Variants in PPP1R9A observed in about 807,000 individuals in gnomAD.
The protein encoded by PPP1R9A is protein phosphatase 1 regulatory subunit 9A.
In PPP1R9A, 59 loss-of-function variants were observed where a neutral mutation model predicts 141.9. That is an observed-to-expected ratio of 0.42 (90% confidence interval 0.34 to 0.52). The LOEUF (loss-of-function observed/expected upper bound fraction) is 0.52. PPP1R9A is among the 20% of genes least tolerant of loss of function. The pLI is 0.10. For missense variants in PPP1R9A, 1,444 were observed against 1,611.9 expected, an observed-to-expected ratio of 0.90 and a Z score of 1.78; for synonymous variants, 500 against 569.7, an observed-to-expected ratio of 0.88 and a Z score of 1.74.
chr7:95,064,986 T>C (rs1006346753), intron 2 of PPP1R9A, among the ~76,000 whole-genome samples: 1 of 152,220 alleles, frequency 6.6e-6, no homozygotes, highest in Non-Finnish European at 1.5e-5. Context: ...TTCTGACAGA[T>C]TAAGTAAGTG....
chr7:95,195,329 G>A (rs565894752), intron 5 of PPP1R9A, among the ~76,000 whole-genome samples: 1 of 149,992 alleles, frequency 6.7e-6, no homozygotes, highest in Non-Finnish European at 1.5e-5. Flanking sequence ...CACCCAGTCT[G>A]GAGGGCATTG....
chr7:95,269,431 T>C lies in PPP1R9A; in HGVS notation c.3048T>C (p.Thr1016=). ...GGGGAGACACTTCACTGTTTTCTAC[T>C]TCAAAGTCTGATCATGATGTGGAAG... ...SMWGDTSLFS[T]SKSDHDVEES... Residue 1016 remains threonine (T), a synonymous_variant, in exon 14 of 20, where the codon ACT becomes ACC. Coordinates refer to ENST00000433360, the MANE Select transcript of PPP1R9A (RefSeq NM_001166160.2). The C allele has an allele frequency of 6.3e-7, 1 of 1,593,646 alleles. No individual in the cohort carries two copies. The highest frequency in any genetic ancestry group is 8.5e-7 in the Non-Finnish European group (1 of 1,175,008).
At chr7:95,252,547 A>T (rs968550561) in intron 12 of PPP1R9A, among the ~76,000 whole-genome samples, 4 of 148,920 alleles carry the variant, frequency 2.7e-5, no homozygotes, top group African/African-American at 1.0e-4. Flanking sequence ...AGCTCACTAC[A>T]ACCTTCGCCT....
rs572445537 is a variant in PPP1R9A, at chr7:94,968,865, G to C, written c.1395+57357G>C. Among the ~76,000 whole-genome samples, 8 of 151,706 alleles carry C rather than the reference G, an allele frequency of 5.3e-5. No individual in the cohort carries two copies. In the East Asian group the frequency reaches 1.6e-3, roughly 30 times the overall value. ...TTTTGATTCTTTTTTCTCTAATCTT[G>C]TCTTCATGCTTTATTTCATTAAGTT... On this transcript the variant is annotated intron_variant, in intron 2 of 19. Transcript: ENST00000433360.
intron 2 of PPP1R9A, among the ~76,000 whole-genome samples, chr7:95,059,338 T>C (rs1410291998): frequency 1.3e-5 from 2 of 152,184 alleles, no homozygotes; most frequent in African/African-American, 4.8e-5. Flanking sequence ...GTTTCTTGTG[T>C]ATACTTTTAT....
chr7:95,072,664 T>C (rs1218262383), intron 2 of PPP1R9A, among the ~76,000 whole-genome samples: 1 of 122,072 alleles, frequency 8.2e-6, no homozygotes, highest in Non-Finnish European at 1.6e-5. Flanking sequence ...AAAATATATA[T>C]TATATATTAT....
chr7:95,056,440 A>T (rs1278107153), intron 2 of PPP1R9A, among the ~76,000 whole-genome samples: 1 of 152,156 alleles, frequency 6.6e-6, no homozygotes, highest in Non-Finnish European at 1.5e-5. Flanking sequence ...AGCATAGCAG[A>T]TATATTTTTT....
intron 2 of PPP1R9A, among the ~76,000 whole-genome samples, chr7:94,949,270 CAT>C (rs1563033612): frequency 6.6e-6 from 1 of 152,094 alleles, no homozygotes; most frequent in African/African-American, 2.4e-5. Flanking sequence ...TCAAAACTCT[CAT>C]ATGCCTTTTG....
chr7:95,093,877 T>C (rs1305493133), intron 2 of PPP1R9A, among the ~76,000 whole-genome samples: 1 of 152,190 alleles, frequency 6.6e-6, no homozygotes, highest in African/African-American at 2.4e-5. Context: ...CACTTTTCTT[T>C]TGTTCAGAAG....
rs2116167576 is a variant in PPP1R9A at position 95,292,458 on chromosome 7, A to G, written c.*2155A>G. ...GATGATTATCTTAAGTTATGTTTAC[A>G]CTTTGGTAATATTTGAAAATGGATG... On this transcript the variant is annotated 3_prime_UTR_variant, in exon 20 of 20. Coordinates refer to ENST00000433360, the MANE Select transcript of PPP1R9A (RefSeq NM_001166160.2). 2 of 152,746 alleles carry G rather than the reference A, an allele frequency of 1.3e-5. No homozygotes were observed. The highest frequency in any genetic ancestry group is 6.8e-3 in the Middle Eastern group (2 of 294). 9.5% of individuals were successfully genotyped at this position (152,746 alleles called of 1,614,324 possible). A position where few individuals can be genotyped will look rare whatever the true frequency, so the allele number is the denominator to read the frequency against.
At chr7:95,051,027 A>G (rs752725913) in intron 2 of PPP1R9A, among the ~76,000 whole-genome samples, 4 of 152,138 alleles carry the variant, frequency 2.6e-5, no homozygotes, top group Admixed American at 6.5e-5. Context: ...AAAAGTCATC[A>G]CTATCCAGAG....
intron 2 of PPP1R9A, among the ~76,000 whole-genome samples, chr7:94,982,078 G>C (rs1800193612): frequency 6.7e-6 from 1 of 148,532 alleles, no homozygotes; most frequent in Admixed American, 6.9e-5. Context: ...TGCAGTGTTT[G>C]GTTTTCCATC....
chr7:95,136,601 G>T (rs1172659226), intron 4 of PPP1R9A, among the ~76,000 whole-genome samples: 9 of 152,146 alleles, frequency 5.9e-5, no homozygotes. Context: ...GTGATTGTGG[G>T]AAAGAGAATG....
rs1806273714 is a variant in PPP1R9A, at chr7:95,290,980, A to G, written c.*677A>G. The G allele has an allele frequency of 6.6e-6, 1 of 152,336 alleles. No individual in the cohort carries two copies. The highest frequency in any genetic ancestry group is 1.5e-5 in the Non-Finnish European group (1 of 68,154). 9.4% of individuals were successfully genotyped at this position (152,336 alleles called of 1,614,324 possible). ...ACCACTGAAAAAAGCAAAAGCCTTA[A>G]GAATGTGGATGTGGGTATTACCTTG... On this transcript the variant is annotated 3_prime_UTR_variant, in exon 20 of 20. Transcript: ENST00000433360.
At chr7:94,964,578 A>G (rs1235951198) in intron 2 of PPP1R9A, among the ~76,000 whole-genome samples, 1 of 152,088 alleles carries the variant, frequency 6.6e-6, no homozygotes, top group African/African-American at 2.4e-5. Flanking sequence ...GAATGAGAAC[A>G]TGTGGTGTTT....
chr7:95,170,619 A>G (rs749046077), intron 5 of PPP1R9A, among the ~76,000 whole-genome samples: 3 of 151,520 alleles, frequency 2.0e-5, no homozygotes, highest in Non-Finnish European at 4.4e-5. Context: ...TTGGAATTTT[A>G]TACTCAAGGA....
chr7:94,952,530 C>T (rs1444300182), intron 2 of PPP1R9A, among the ~76,000 whole-genome samples: 3 of 152,156 alleles, frequency 2.0e-5, no homozygotes, highest in African/African-American at 7.2e-5. Flanking sequence ...GGAATTGCCA[C>T]ACTGTCTTCC....
At chr7:95,236,321 T>A (rs1407789756) in intron 8 of PPP1R9A, among the ~76,000 whole-genome samples, 1 of 152,112 alleles carries the variant, frequency 6.6e-6, no homozygotes, top group Non-Finnish European at 1.5e-5. Flanking sequence ...TTCAGCATAT[T>A]AAAGGTAATG....
intron 4 of PPP1R9A, among the ~76,000 whole-genome samples, chr7:95,121,455 GTCTGTCTATCTATCTA>G (rs1292237312): frequency 0.036 from 5,226 of 144,904 alleles, 106 homozygotes; most frequent in African/African-American, 0.055. Flanking sequence ...CTGTCTGTCT[GTCTGTCTATCTATCTA>G]TCTATCTATC....
Sources: allele counts gnomAD v4.1 joint callset (sites outside exome capture counted in the v4.1 genomes callset), GRCh38; gene constraint gnomAD v4.1.1; transcripts MANE v1.5; gene names NCBI Gene and HGNC (gene_info 2026-07-23, HGNC 2026-07-21).